The following CYP2B6 variants were observed in gnomAD, a reference collection of about 807,000 sequenced individuals.
CYP2B6 encodes the protein cytochrome P450 family 2 subfamily B member 6.
A neutral mutation model predicts 43.4 loss-of-function variants in CYP2B6; 35 were observed. The ratio of observed to expected loss-of-function variants is 0.81; its 90% CI spans 0.62 to 1.07. The LOEUF is 1.07. Ranked by LOEUF, CYP2B6 falls within the 50% of genes least tolerant of loss-of-function variation. The pLI is 0.00. For synonymous variants in CYP2B6, 239 were observed against 239.2 expected (o/e 1.00, Z 0.01); for missense variants, 624 against 632.8 (o/e 0.99, Z 0.15).
At chr19:41,009,741 G>A (rs749218422) in intron 5 of CYP2B6, 14 of 597,452 alleles carry the variant, frequency 2.3e-5, no homozygotes, top group South Asian at 6.1e-5. Flanking sequence ...AGAAAGAGAC[G>A]GGGACAAAAA....
chr19:41,002,643 G>C (rs548344270), intron 1 of CYP2B6, among the ~76,000 whole-genome samples: 1 of 152,078 alleles, frequency 6.6e-6, no homozygotes, highest in Non-Finnish European at 1.5e-5. Flanking sequence ...CGCCTCCCCG[G>C]GCTCAAGCAA....
rs1317769786 is a variant in CYP2B6 at position 41,007,180 on chromosome 19, C to A, written c.645+115C>A. Reference sequence around the variant, plus strand: ...AAATGCAGCTTATCCTTGGAAGAAACGCAGACATGTGAAGAATCAGGGACA... The same window carrying A: ...AAATGCAGCTTATCCTTGGAAGAAAAGCAGACATGTGAAGAATCAGGGACA... On this transcript the variant is annotated intron_variant, in intron 4 of 8. Coordinates refer to ENST00000324071, the MANE Select transcript of CYP2B6 (RefSeq NM_000767.5). The A allele has an allele frequency of 3.8e-6, 4 of 1,050,914 alleles. No individual in the cohort carries two copies. In the South Asian group the frequency reaches 4.0e-5, roughly 11 times the overall value. The allele number at this position is 1,050,914 out of a possible 1,614,324, so 65.1% of individuals were successfully genotyped here.
intron 8 of CYP2B6, 87 bp from the exon 9 acceptor site, chr19:41,016,559 G>A (rs536428142): frequency 2.1e-6 from 3 of 1,414,600 alleles, no homozygotes; most frequent in East Asian, 2.3e-5. Context: ...TGTTGCAGTG[G>A]ACATTTGTGT....
rs546447304 is a variant in CYP2B6, at chr19:41,013,793, A to G, written c.1294+978A>G. Among the ~76,000 whole-genome samples, 93 of 152,318 alleles carry G rather than the reference A, an allele frequency of 6.1e-4. 1 individual carries two copies. Among genetic ancestry groups the G allele is most frequent in the African/African-American group, 2.1e-3 (88 of 41,580 alleles). On this transcript the variant is annotated intron_variant, in intron 8 of 8. Coordinates refer to ENST00000324071, the MANE Select transcript of CYP2B6 (RefSeq NM_000767.5). ...GTCTATCTGAACAAAGAAACAATTC[A>G]TGAATTGGGCAGCACAAGGAACCAG... is the stretch of plus-strand genomic sequence containing the variant.
chr19:41,009,259 G>A lies in CYP2B6; in HGVS notation c.686G>A (p.Gly229Glu). The change falls in exon 5 of 9, where the codon GGG becomes GAG. Residue 229 changes from glycine to glutamate, a missense_variant. Coordinates refer to ENST00000324071, the MANE Select transcript of CYP2B6 (RefSeq NM_000767.5). The part of the protein sequence containing the change: ...LFSGFLKYFP[G>E]AHRQVYKNLQ... Reference sequence around the variant, plus strand: ...TCTGGCTTCTTGAAATACTTTCCTGGGGCACACAGGCAAGTTTACAAAAAC... The same window carrying A: ...TCTGGCTTCTTGAAATACTTTCCTGAGGCACACAGGCAAGTTTACAAAAAC... 6.2e-7 allele frequency: 1 copy of A among 1,612,666 alleles called. No individual in the cohort carries two copies. Among genetic ancestry groups the A allele is most frequent in the Non-Finnish European group, 8.5e-7 (1 of 1,179,438 alleles).
chr19:41,000,199 C>G (rs1267970967), intron 1 of CYP2B6, among the ~76,000 whole-genome samples: 8 of 152,070 alleles, frequency 5.3e-5, no homozygotes, highest in Admixed American at 5.2e-4. Context: ...TTCCTGACCC[C>G]CAGGTCCCCA....
chr19:41,009,713 G>C, intron 5 of CYP2B6: 1 of 595,548 alleles, frequency 1.7e-6, no homozygotes, highest in Non-Finnish European at 3.0e-6. Flanking sequence ...AGCAACAAGA[G>C]AAAAAACTCA....
At chr19:40,993,331 ACTCACAGTTCCACATGG>A (rs1225508314) in intron 1 of CYP2B6, among the ~76,000 whole-genome samples, 3 of 152,136 alleles carry the variant, frequency 2.0e-5, no homozygotes, top group Non-Finnish European at 2.9e-5. Context: ...GATGTAACTG[ACTCACAGTTCCACATGG>A]CTGGGGAGGC....
chr19:41,007,221 A>AGGAGAGACGGTGAGACAGGGAT, intron 4 of CYP2B6, 156 bp downstream of exon 4: 3 of 743,614 alleles, frequency 4.0e-6, no homozygotes, highest in Non-Finnish European at 6.9e-6. Flanking sequence ...ACCTGGAGGG[A>AGGAGAGACGGTGAGACAGGGAT]GGAGAGACGG....
rs1415465204 is a variant in CYP2B6 at position 41,016,832 on chromosome 19, G to A, written c.*5G>A. The A allele has an allele frequency of 1.1e-5, 18 of 1,613,476 alleles. No individual in the cohort carries two copies. Among genetic ancestry groups the A allele is most frequent in the Non-Finnish European group, 1.5e-5 (18 of 1,179,664 alleles). ...ATCCGCTTCCTGCCCCGCTGAAGGG[G>A]CTGAGGGAAGGGGGTCAAAGGATTC... is the stretch of plus-strand genomic sequence containing the variant. On this transcript the variant is annotated 3_prime_UTR_variant, in exon 9 of 9. Transcript: ENST00000324071.
chr19:41,000,321 A>G (rs1319545370), intron 1 of CYP2B6, among the ~76,000 whole-genome samples: 1 of 152,152 alleles, frequency 6.6e-6, no homozygotes, highest in African/African-American at 2.4e-5. Flanking sequence ...CCAGACAAGG[A>G]AGGCCTGTGA....
In CYP2B6 at chr19:40,991,351, T is replaced by G; in HGVS notation, c.46T>G (p.Leu16Val). 6.2e-7 allele frequency: 1 copy of G among 1,614,078 alleles called. No individual in the cohort carries two copies. The highest frequency in any genetic ancestry group is 8.5e-7 in the Non-Finnish European group (1 of 1,180,016). The change falls in exon 1 of 9, where the codon TTG becomes GTG. Residue 16 changes from leucine (L) to valine (V), a missense_variant. Transcript: ENST00000324071. ...LLFLALLTGLLLLLVQRHPNT... is the reference protein window; with the variant it reads ...LLFLALLTGLVLLLVQRHPNT... Reference sequence around the variant, plus strand: ...CTTCCTTGCACTCCTCACAGGACTCTTGCTACTCCTGGTTCAGCGCCACCC... The same window carrying G: ...CTTCCTTGCACTCCTCACAGGACTCGTGCTACTCCTGGTTCAGCGCCACCC...
chr19:40,991,284 G>A lies in CYP2B6; in HGVS notation c.-22G>A, dbSNP rs773752313. 7 of 1,613,882 alleles carry A rather than the reference G, an allele frequency of 4.3e-6. No individual in the cohort carries two copies. Among genetic ancestry groups the A allele is most frequent in the African/African-American group, 2.7e-5 (2 of 74,838 alleles). On this transcript the variant is annotated 5_prime_UTR_variant, in exon 1 of 9. Transcript: ENST00000324071. ...GCCCAGTTGGAGGCTGCAGCAGGGT[G>A]CAGGGCAGTCAGACCAGGACCATGG...
intron 6 of CYP2B6, 119 bp from the exon 7 acceptor site, chr19:41,012,179 A>T: frequency 3.3e-6 from 3 of 902,958 alleles, no homozygotes; most frequent in South Asian, 1.4e-5. Flanking sequence ...TGAACTCCTG[A>T]CCTCAAGGAA....
At chr19:41,012,599 G>A (rs1969302679) in intron 7 of CYP2B6, 75 bp from the exon 8 acceptor site, 16 of 1,611,390 alleles carry the variant, frequency 9.9e-6, no homozygotes, top group Non-Finnish European at 1.4e-5. Flanking sequence ...TTTGTTTTTT[G>A]TATTTCTTTT....
At chr19:41,011,156 C>T (rs560015360) in intron 6 of CYP2B6, among the ~76,000 whole-genome samples, 15 of 152,184 alleles carry the variant, frequency 9.9e-5, no homozygotes, top group Admixed American at 3.9e-4. Context: ...CATCCTTCTA[C>T]GAACTAGGTT....
intron 1 of CYP2B6, among the ~76,000 whole-genome samples, chr19:40,998,133 A>G (rs1336103374): frequency 6.6e-6 from 1 of 152,076 alleles, no homozygotes; most frequent in East Asian, 1.9e-4. Context: ...GTGAGGAGTG[A>G]TAACATTTAG....
chr19:41,009,519 G>A, intron 5 of CYP2B6, 124 bp downstream of exon 5: 1 of 1,101,670 alleles, frequency 9.1e-7, no homozygotes, highest in Non-Finnish European at 1.3e-6. Context: ...ACTAGGGAGG[G>A]GAGAATAGGG....
chr19:41,017,147 A>C lies in CYP2B6; in HGVS notation c.*320A>C. On this transcript the variant is annotated 3_prime_UTR_variant, in exon 9 of 9. Transcript: ENST00000324071. ...AACCTCCACCCCCGGGGATCAAGCA[A>C]CTCTCCTGCCTCAGCCTCCCTAGTA... The C allele has an allele frequency of 5.5e-6, 1 of 181,892 alleles. No homozygotes were observed. The highest frequency in any genetic ancestry group is 1.3e-4 in the East Asian group (1 of 7,418). The allele number at this position is 181,892 out of a possible 1,614,324, so 11.3% of individuals were successfully genotyped here.
Sources: allele counts gnomAD v4.1 joint callset (sites outside exome capture counted in the v4.1 genomes callset), GRCh38; gene constraint gnomAD v4.1.1; transcripts MANE v1.5; gene names NCBI Gene and HGNC (gene_info 2026-07-23, HGNC 2026-07-21).